The following ASIC2 variants were observed in gnomAD, a reference collection of about 807,000 sequenced individuals.
ASIC2 encodes acid sensing ion channel subunit 2.
In ASIC2, 25 loss-of-function variants were observed where a neutral mutation model predicts 57.3. The ratio of observed to expected loss-of-function variants is 0.44; its 90% CI spans 0.32 to 0.61. ASIC2 has a LOEUF of 0.61. ASIC2 is among the 20% of genes least tolerant of loss of function. ASIC2 has a pLI of 0.06. For missense variants in ASIC2, 641 were observed against 738.1 expected (o/e 0.87, Z 1.52); for synonymous variants, 319 against 307.5 (o/e 1.04, Z -0.39).
chr17:34,132,047 G>A (rs893964375), intron 1 of ASIC2, among the ~76,000 whole-genome samples: 2 of 152,086 alleles, frequency 1.3e-5, no homozygotes, highest in African/African-American at 4.8e-5. Flanking sequence ...TTGATCTCTG[G>A]GCTTTCTACA....
intron 1 of ASIC2, among the ~76,000 whole-genome samples, chr17:33,869,728 G>A (rs1304157609): frequency 3.9e-5 from 6 of 152,184 alleles, no homozygotes; most frequent in African/African-American, 1.4e-4. Context: ...GGTTGCCTAT[G>A]GCTAAGAGTG....
intron 1 of ASIC2, among the ~76,000 whole-genome samples, chr17:33,715,578 G>T (rs540448416): frequency 5.3e-5 from 8 of 152,290 alleles, no homozygotes; most frequent in Admixed American, 1.3e-4. Flanking sequence ...CATTGTAATG[G>T]CAGAACATCC....
At chr17:34,095,633 TTATA>T (rs796194067) in intron 1 of ASIC2, among the ~76,000 whole-genome samples, 3,669 of 98,118 alleles carry the variant, frequency 0.037, 177 homozygotes, top group African/African-American at 0.14. Flanking sequence ...ATATATAATT[TTATA>T]TATATATATA....
In ASIC2 at chr17:33,878,404, G is replaced by A. The variant is rs183250381; in HGVS notation, c.555+277574C>T. Among the ~76,000 whole-genome samples, 1,084 of 152,254 alleles carry A rather than the reference G, an allele frequency of 7.1e-3. 4 individuals are homozygous for A. Among genetic ancestry groups the A allele is most frequent in the Non-Finnish European group, 0.012 (819 of 68,012 alleles). On this transcript the variant is annotated intron_variant, in intron 1 of 9. Transcript: ENST00000359872. Reference sequence around the variant, plus strand: ...TAACTGGAATAACTAATGCAGATAAGTCCTTAAAAGACCTGATGGAGCTGA... The same window carrying A: ...TAACTGGAATAACTAATGCAGATAAATCCTTAAAAGACCTGATGGAGCTGA...
intron 4 of ASIC2, among the ~76,000 whole-genome samples, chr17:33,027,825 C>G (rs2091865359): frequency 6.6e-6 from 1 of 152,226 alleles, no homozygotes; most frequent in Non-Finnish European, 1.5e-5. Flanking sequence ...GGCCAATAGA[C>G]TTTTGCCTCA....
chr17:33,245,601 G>A (rs1054292886), intron 1 of ASIC2, among the ~76,000 whole-genome samples: 14 of 152,306 alleles, frequency 9.2e-5, no homozygotes, highest in Non-Finnish European at 1.5e-4. Flanking sequence ...TGATGTTCAG[G>A]AATGACAGGA....
At chr17:34,135,567 C>A (rs906069667) in intron 1 of ASIC2, among the ~76,000 whole-genome samples, 9 of 152,108 alleles carry the variant, frequency 5.9e-5, no homozygotes, top group Admixed American at 5.9e-4. Context: ...TACAGCTCCC[C>A]AGGTGATTCC....
At chr17:33,163,462 T>C (rs537854919) in intron 1 of ASIC2, among the ~76,000 whole-genome samples, 36 of 151,796 alleles carry the variant, frequency 2.4e-4, no homozygotes, top group African/African-American at 8.7e-4. Flanking sequence ...GCTGACCCCT[T>C]ACCCAATGTC....
chr17:34,155,600 C>A (rs780673692), intron 1 of ASIC2: 1 of 233,812 alleles, frequency 4.3e-6, no homozygotes, highest in Non-Finnish European at 8.3e-6. Context: ...CGCACACACA[C>A]ACAGAATGCC....
At chr17:34,069,863 T>C (rs967985039) in intron 1 of ASIC2, 1 of 152,094 alleles carries the variant, frequency 6.6e-6, no homozygotes, top group African/African-American at 2.4e-5. Flanking sequence ...TGAGTAAGAG[T>C]GGTTTAGGCT....
chr17:33,350,453 G>T (rs567175665), intron 1 of ASIC2, among the ~76,000 whole-genome samples: 127 of 152,218 alleles, frequency 8.3e-4, no homozygotes, highest in Non-Finnish European at 1.5e-3. Flanking sequence ...GCTGAGGTGG[G>T]TGGATCATCC....
chr17:33,839,570 G>A (rs1913371949), intron 1 of ASIC2, among the ~76,000 whole-genome samples: 1 of 152,248 alleles, frequency 6.6e-6, no homozygotes, highest in Non-Finnish European at 1.5e-5. Context: ...TCGCTCTAGG[G>A]TGACCAATTG....
chr17:33,474,597 G>A (rs7342837), intron 1 of ASIC2, among the ~76,000 whole-genome samples: 65,251 of 151,860 alleles, frequency 0.43, 14,385 homozygotes, highest in African/African-American at 0.53. Flanking sequence ...AGGGGCAGGC[G>A]CACAACCAGC....
intron 5 of ASIC2, among the ~76,000 whole-genome samples, chr17:33,024,860 C>T (rs1401048271): frequency 6.6e-6 from 1 of 152,200 alleles, no homozygotes; most frequent in Non-Finnish European, 1.5e-5. Context: ...GCTGTCTTGG[C>T]TGAATTCTCA....
intron 1 of ASIC2, among the ~76,000 whole-genome samples, chr17:33,844,017 C>T (rs1393972894): frequency 6.6e-6 from 1 of 152,126 alleles, no homozygotes; most frequent in African/African-American, 2.4e-5. Flanking sequence ...TAGAGGTGTT[C>T]AGGCATAAAT....
intron 1 of ASIC2, among the ~76,000 whole-genome samples, chr17:34,028,337 T>C (rs1187257382): frequency 6.6e-6 from 1 of 152,212 alleles, no homozygotes; most frequent in East Asian, 1.9e-4. Flanking sequence ...TCTCCTTTCT[T>C]TGCAATTCCT....
At chr17:33,892,620 CTCA>C (rs1914993559) in intron 1 of ASIC2, among the ~76,000 whole-genome samples, 1 of 152,198 alleles carries the variant, frequency 6.6e-6, no homozygotes, top group African/African-American at 2.4e-5. Context: ...GCATGCCTTC[CTCA>C]CTGGACTGTA....
intron 2 of ASIC2, among the ~76,000 whole-genome samples, chr17:33,104,464 G>A (rs933084099): frequency 1.3e-5 from 2 of 152,200 alleles, no homozygotes; most frequent in African/African-American, 4.8e-5. Flanking sequence ...CCATCCAGTG[G>A]TTTTCAAACA....
intron 1 of ASIC2, among the ~76,000 whole-genome samples, chr17:33,753,589 T>C (rs1256513803): frequency 6.6e-6 from 1 of 152,200 alleles, no homozygotes; most frequent in South Asian, 2.1e-4. Context: ...GAGACTCCAG[T>C]GCAGCCGTGT....
Sources: allele counts gnomAD v4.1 joint callset (sites outside exome capture counted in the v4.1 genomes callset), GRCh38; gene constraint gnomAD v4.1.1; transcripts MANE v1.5; gene names NCBI Gene and HGNC (gene_info 2026-07-23, HGNC 2026-07-21).